The following GDAP1 variants were observed in gnomAD, a reference collection of about 807,000 sequenced individuals.
GDAP1 encodes the protein ganglioside-induced differentiation-associated protein 1.
In GDAP1, 34 loss-of-function variants were observed where a neutral mutation model predicts 40.1. That is an observed-to-expected ratio of 0.85 (90% CI 0.64 to 1.13). The LOEUF (loss-of-function observed/expected upper bound fraction) is 1.13. Among genes scored for constraint, GDAP1 ranks in the 50% most tolerant of loss-of-function variants. GDAP1 has a pLI of 0.00. For synonymous variants in GDAP1, 170 were observed against 157.4 expected (o/e 1.08, Z -0.60); for missense variants, 374 against 433.7 (o/e 0.86, Z 1.22).
chr8:74,439,436 T>G (rs573820235), intron 2 of GDAP1, among the ~76,000 whole-genome samples: 129 of 152,128 alleles, frequency 8.5e-4, no homozygotes, highest in African/African-American at 3.0e-3. Context: ...GGTCTATTTT[T>G]GGGCTCTCTA....
chr8:74,364,029 G>A lies in GDAP1; in HGVS notation c.739G>A (p.Ala247Thr), dbSNP rs1344599143. 6.2e-7 allele frequency: 1 copy of A among 1,613,870 alleles called. No individual in the cohort carries two copies. Among genetic ancestry groups the A allele is most frequent in the East Asian group, 2.2e-5 (1 of 44,882 alleles). Reference protein sequence around the residue: ...PWLCGESFTLADVSLAVTLHR... With the variant: ...PWLCGESFTLTDVSLAVTLHR... ...GCTCTGCGGTGAATCCTTCACCCTG[G>A]CAGACGTCTCACTCGCTGTCACATT... is the stretch of plus-strand genomic sequence containing the variant. The change falls in exon 6 of 6, where the codon GCA (alanine) becomes ACA (threonine). Residue 247 changes from alanine (A) to threonine (T), a missense_variant. Coordinates refer to ENST00000220822, the MANE Select transcript of GDAP1 (RefSeq NM_018972.4).
intron 2 of GDAP1, among the ~76,000 whole-genome samples, chr8:74,457,155 T>TA (rs1410767754): frequency 2.6e-5 from 4 of 152,036 alleles, no homozygotes; most frequent in Non-Finnish European, 5.9e-5. Flanking sequence ...GAATTGCCTT[T>TA]AAAAAAATTA....
rs1413719898 is a variant in GDAP1 at position 74,356,854 on chromosome 8, A to G, written c.311-3283A>G. ...CTCAGCCTCCCGAGTAGCTGGGACT[A>G]TAGGCGCGCACCACCACGCCCGGCT... On this transcript the variant is annotated intron_variant, in intron 2 of 5. Coordinates refer to ENST00000220822, the MANE Select transcript of GDAP1 (RefSeq NM_018972.4). Among the ~76,000 whole-genome samples, 3 of 151,168 alleles carry G rather than the reference A, an allele frequency of 2.0e-5. 1 individual carries two copies. Among genetic ancestry groups the G allele is most frequent in the Admixed American group, 6.6e-5 (1 of 15,134 alleles).
rs371126179 is a variant in GDAP1 at position 74,404,561 on chromosome 8, G to A, written c.165+53240G>A. Among the ~76,000 whole-genome samples the A allele has an allele frequency of 2.4e-4, 36 of 149,710 alleles. 1 individual carries two copies. Among genetic ancestry groups the A allele is most frequent in the Admixed American group, 2.0e-3 (31 of 15,224 alleles). ...CTCACCTAAGGTCACATGGCTACTC[G>A]GTGTGGAGTGAAGACTCCAGAAGCA... On this transcript the variant is annotated intron_variant, in intron 2 of 2. Coordinates refer to the GDAP1 transcript ENST00000523640.
intron 2 of GDAP1, among the ~76,000 whole-genome samples, chr8:74,460,275 A>T (rs1195266510): frequency 6.6e-6 from 1 of 152,200 alleles, no homozygotes; most frequent in Non-Finnish European, 1.5e-5. Context: ...GCATTTGTTG[A>T]TAAAGGAGAA....
chr8:74,426,915 T>C (rs951767003), intron 2 of GDAP1, among the ~76,000 whole-genome samples: 1 of 152,232 alleles, frequency 6.6e-6, no homozygotes, highest in African/African-American at 2.4e-5. Context: ...TCTATCCTGA[T>C]GGCACTTGGC....
intron 2 of GDAP1, among the ~76,000 whole-genome samples, chr8:74,440,648 A>G (rs958539444): frequency 6.7e-6 from 1 of 150,192 alleles, no homozygotes; most frequent in Non-Finnish European, 1.5e-5. Context: ...ATGTAAAACT[A>G]TGTTTGTTAC....
intron 2 of GDAP1, among the ~76,000 whole-genome samples, chr8:74,470,837 C>T (rs1250420764): frequency 1.3e-5 from 2 of 152,214 alleles, no homozygotes; most frequent in Non-Finnish European, 2.9e-5. Context: ...ACACTGACTT[C>T]CACAATGGTT....
At chr8:74,389,859 A>C (rs1810080950) in intron 2 of GDAP1, among the ~76,000 whole-genome samples, 1 of 152,174 alleles carries the variant, frequency 6.6e-6, no homozygotes, top group African/African-American at 2.4e-5. Context: ...TATTTCTTGT[A>C]GTCTTTGTTC....
chr8:74,447,569 C>T (rs910426530), intron 2 of GDAP1, among the ~76,000 whole-genome samples: 2 of 151,986 alleles, frequency 1.3e-5, no homozygotes, highest in East Asian at 1.9e-4. Context: ...TTTAGTGTCC[C>T]CAAGAGAAAA....
chr8:74,416,935 T>G (rs1325266954), intron 2 of GDAP1, among the ~76,000 whole-genome samples: 6 of 147,304 alleles, frequency 4.1e-5, no homozygotes, highest in Admixed American at 3.3e-4. Flanking sequence ...TTTTGTTTTT[T>G]TTTTTTTTAA....
chr8:74,414,370 T>A (rs1805753119), intron 2 of GDAP1, among the ~76,000 whole-genome samples: 2 of 150,120 alleles, frequency 1.3e-5, no homozygotes, highest in African/African-American at 5.1e-5. Flanking sequence ...CAAGCAACTA[T>A]TATAACACTA....
intron 2 of GDAP1, among the ~76,000 whole-genome samples, chr8:74,392,141 A>G (rs1810119908): frequency 6.6e-6 from 1 of 152,184 alleles, no homozygotes; most frequent in Non-Finnish European, 1.5e-5. Flanking sequence ...TTAATAATAC[A>G]TATTGATTTC....
At position 74,360,436 on chromosome 8, in the gene GDAP1, A is replaced by G; in HGVS notation, c.484+126A>G. On this transcript the variant is annotated intron_variant, in intron 3 of 5. Coordinates refer to ENST00000220822, the MANE Select transcript of GDAP1 (RefSeq NM_018972.4). ...TAGGGTTGTTGAGTTTGCTTCATGG[A>G]TGTGCATGTTATGGATCGATCCATG... is the stretch of plus-strand genomic sequence containing the variant. 2.4e-6 allele frequency: 2 copies of G among 817,010 alleles called. No individual in the cohort carries two copies. Among genetic ancestry groups the G allele is most frequent in the African/African-American group, 1.7e-5 (1 of 59,826 alleles). The allele number at this position is 817,010 out of a possible 1,614,324, so 50.6% of individuals were successfully genotyped here. A position where few individuals can be genotyped will look rare whatever the true frequency, so the allele number is the denominator to read the frequency against.
rs1185325806 is a variant in GDAP1, at chr8:74,351,394, C to T, written c.238C>T (p.Leu80Phe). ...GAACTCAACTGGAGAAGTGCCTGTC[C>T]TTATCCACGGGGAAAACATAATTTG... ...RLNSTGEVPV[L>F]IHGENIICEA... Residue 80 changes from leucine (L) to phenylalanine (F), a missense_variant, in exon 2 of 6, where the codon CTT (leucine) becomes TTT (phenylalanine). Coordinates refer to ENST00000220822, the MANE Select transcript of GDAP1 (RefSeq NM_018972.4). 3 of 1,613,900 alleles carry T rather than the reference C, an allele frequency of 1.9e-6. No homozygotes were observed. The highest frequency in any genetic ancestry group is 2.7e-5 in the African/African-American group (2 of 75,052).
At chr8:74,375,582 A>G (rs1165484903) in intron 2 of GDAP1, among the ~76,000 whole-genome samples, 2 of 152,226 alleles carry the variant, frequency 1.3e-5, no homozygotes, top group Non-Finnish European at 2.9e-5. Flanking sequence ...AAAATTCAGC[A>G]CATATTCAAG....
rs1469742640 is a variant in GDAP1, at chr8:74,365,098, C to T, written c.*731C>T. The T allele has an allele frequency of 2.2e-6, 1 of 454,064 alleles. No individual in the cohort carries two copies. Among genetic ancestry groups the T allele is most frequent in the Non-Finnish European group, 4.4e-6 (1 of 226,776 alleles). The allele number at this position is 454,064 out of a possible 1,614,324, so 28.1% of individuals were successfully genotyped here. On this transcript the variant is annotated 3_prime_UTR_variant, in exon 6 of 6. Transcript: ENST00000220822. ...CAGTGGGAGGTAGAAAGGGTGGCAT[C>T]TGTAGCCCTCTTCATACACATAAGT...
chr8:74,357,544 A>C (rs552122108), intron 2 of GDAP1, among the ~76,000 whole-genome samples: 1 of 152,128 alleles, frequency 6.6e-6, no homozygotes, highest in Non-Finnish European at 1.5e-5. Flanking sequence ...CTGTTTATCA[A>C]ATCTTTCTGC....
At chr8:74,446,776 G>A (rs1806234874) in intron 2 of GDAP1, among the ~76,000 whole-genome samples, 1 of 152,062 alleles carries the variant, frequency 6.6e-6, no homozygotes, top group African/African-American at 2.4e-5. Flanking sequence ...GAAATTTGAG[G>A]GCATTATGCT....
Sources: allele counts gnomAD v4.1 joint callset (sites outside exome capture counted in the v4.1 genomes callset), GRCh38; gene constraint gnomAD v4.1.1; transcripts MANE v1.5; gene names NCBI Gene and HGNC (gene_info 2026-07-23, HGNC 2026-07-21).